Variants in GNA13 observed in about 807,000 individuals in gnomAD.
GNA13 encodes G protein subunit alpha 13, also known as guanine nucleotide-binding protein subunit alpha-13.
In GNA13, 4 loss-of-function variants were observed where a neutral mutation model predicts 33.5. That is an observed-to-expected ratio of 0.12 (90% confidence interval 0.06 to 0.27). The LOEUF (loss-of-function observed/expected upper bound fraction) is 0.27, where lower values mean the gene tolerates loss of function less well. Among genes scored for constraint, GNA13 ranks in the 10% least tolerant of loss-of-function variants. GNA13 has a pLI of 1.00. For synonymous variants in GNA13, 176 were observed against 183.8 expected (o/e 0.96, Z 0.34); for missense variants, 319 against 487.2 (o/e 0.65, Z 3.25).
Position 65,031,931 on chromosome 17 carries a change from T to A in GNA13, c.511-13628A>T, listed in dbSNP as rs964507457. ...GAGAGAGAGAGAGAGAGTGTGTGTG[T>A]GTGTGTGTGTGTGTGTGTGTGTGTG... On this transcript the variant is annotated intron_variant, in intron 2 of 3. Coordinates refer to ENST00000439174, the MANE Select transcript of GNA13 (RefSeq NM_006572.6). Among the ~76,000 whole-genome samples, 1,323 of 136,294 alleles carry A rather than the reference T, an allele frequency of 9.7e-3. 7 individuals carry two copies. Among genetic ancestry groups the A allele is most frequent in the Admixed American group, 0.021 (297 of 14,346 alleles). 89.4% of individuals were successfully genotyped at this position (136,294 alleles called of 152,430 possible).
chr17:65,013,489 T>C lies in GNA13; in HGVS notation c.*768A>G, dbSNP rs1906262027. ...GCCAGAATGTTTCACATATGGTACA[T>C]TAAACTACATGATAATTAAATATGA... is the stretch of plus-strand genomic sequence containing the variant. On this transcript the variant is annotated 3_prime_UTR_variant, in exon 4 of 4. Coordinates refer to ENST00000439174, the MANE Select transcript of GNA13 (RefSeq NM_006572.6). 4.7e-6 allele frequency: 1 copy of C among 212,292 alleles called. No homozygotes were observed. Among genetic ancestry groups the C allele is most frequent in the South Asian group, 1.9e-4 (1 of 5,346 alleles). 13.2% of individuals were successfully genotyped at this position (212,292 alleles called of 1,614,324 possible). A position where few individuals can be genotyped will look rare whatever the true frequency, so the allele number is the denominator to read the frequency against.
rs959945243 is a variant in GNA13, at chr17:65,013,856, A to G, written c.*401T>C. On this transcript the variant is annotated 3_prime_UTR_variant, in exon 4 of 4. Transcript: ENST00000439174. ...CTGCTATATGTAAGGCGGACAGAAG[A>G]TATCTTGTTTTGGAACTGAATATTC... 1.3e-4 allele frequency: 31 copies of G among 235,776 alleles called. No individual in the cohort carries two copies. The highest frequency in any genetic ancestry group is 2.5e-4 in the East Asian group (4 of 15,888). 14.6% of individuals were successfully genotyped at this position (235,776 alleles called of 1,614,324 possible).
chr17:65,016,447 C>T (rs1321286567), intron 3 of GNA13, among the ~76,000 whole-genome samples: 2 of 152,114 alleles, frequency 1.3e-5, no homozygotes, highest in African/African-American at 2.4e-5. Flanking sequence ...CTGCAACCTG[C>T]GCCTCCCAGG....
intron 2 of GNA13, among the ~76,000 whole-genome samples, chr17:65,050,996 T>C (rs1042204838): frequency 6.6e-6 from 1 of 152,164 alleles, no homozygotes; most frequent in African/African-American, 2.4e-5. Flanking sequence ...CACAAAGATA[T>C]ACTTAGGGAT....
At chr17:65,020,161 G>T (rs773587194) in intron 2 of GNA13, among the ~76,000 whole-genome samples, 1 of 152,196 alleles carries the variant, frequency 6.6e-6, no homozygotes, top group Non-Finnish European at 1.5e-5. Flanking sequence ...GTGTCTGGCA[G>T]ATAAAATATG....
chr17:65,033,440 T>C (rs995973139), intron 2 of GNA13, among the ~76,000 whole-genome samples: 5 of 151,942 alleles, frequency 3.3e-5, no homozygotes, highest in Admixed American at 6.6e-5. Context: ...TGAGCTATGA[T>C]TGCACCACTG....
chr17:65,051,863 T>C (rs1222255531), intron 2 of GNA13: 1 of 152,154 alleles, frequency 6.6e-6, no homozygotes, highest in Non-Finnish European at 1.5e-5. Flanking sequence ...ATAAACACAT[T>C]ACTTGAAAAG....
intron 2 of GNA13, among the ~76,000 whole-genome samples, chr17:65,038,061 G>C (rs1312431721): frequency 1.3e-5 from 2 of 152,094 alleles, no homozygotes; most frequent in Admixed American, 1.3e-4. Flanking sequence ...TTCCAACAGG[G>C]TTATGCCTCA....
chr17:65,042,357 C>CAA (rs369887415), intron 2 of GNA13, among the ~76,000 whole-genome samples: 33 of 62,268 alleles, frequency 5.3e-4, no homozygotes, highest in Non-Finnish European at 9.1e-4. Context: ...AACTCCGTCT[C>CAA]AAAAAAAAAA....
At chr17:65,043,825 T>G (rs1331959693) in intron 2 of GNA13, among the ~76,000 whole-genome samples, 10 of 152,216 alleles carry the variant, frequency 6.6e-5, no homozygotes, top group South Asian at 6.2e-4. Context: ...CCGCATGGAT[T>G]TAAAAATCCT....
In GNA13 at chr17:65,010,362, T is replaced by G. The variant is rs1205025346; in HGVS notation, c.*3895A>C. Among the ~76,000 whole-genome samples, 1 of 152,046 alleles carries G rather than the reference T, an allele frequency of 6.6e-6. No homozygotes were observed. Among genetic ancestry groups the G allele is most frequent in the Non-Finnish European group, 1.5e-5 (1 of 68,006 alleles). On this transcript the variant is annotated 3_prime_UTR_variant, in exon 4 of 4. Coordinates refer to ENST00000439174, the MANE Select transcript of GNA13 (RefSeq NM_006572.6). The stretch of plus-strand genomic sequence containing the variant: ...ACTTCAAGATCTAGTATACATTTAT[T>G]AATAAGCCCTAACCTCGTACCATAA...
intron 2 of GNA13, among the ~76,000 whole-genome samples, chr17:65,039,350 T>G (rs1232288321): frequency 6.6e-6 from 1 of 152,138 alleles, no homozygotes; most frequent in African/African-American, 2.4e-5. Context: ...CTCACTCCCC[T>G]CTAACTTCCA....
chr17:65,043,007 C>A (rs1275237346), intron 2 of GNA13, among the ~76,000 whole-genome samples: 1 of 152,098 alleles, frequency 6.6e-6, no homozygotes, highest in East Asian at 1.9e-4. Flanking sequence ...TACTGTGGGG[C>A]TTTACATGGG....
intron 2 of GNA13, among the ~76,000 whole-genome samples, chr17:65,031,886 G>A (rs376575064): frequency 0.02 from 2,533 of 127,906 alleles, 67 homozygotes; most frequent in African/African-American, 0.072. Context: ...GAGAGAGAGA[G>A]AGAGAGAGAA....
intron 2 of GNA13, among the ~76,000 whole-genome samples, chr17:65,031,316 C>G (rs1906998915): frequency 6.6e-6 from 1 of 152,258 alleles, no homozygotes; most frequent in Admixed American, 6.5e-5. Context: ...CTGTATAGGG[C>G]AGCTCCCTTA....
intron 1 of GNA13, among the ~76,000 whole-genome samples, chr17:65,053,961 T>A (rs1156312284): frequency 6.6e-6 from 1 of 152,150 alleles, no homozygotes; most frequent in Non-Finnish European, 1.5e-5. Flanking sequence ...GCACAATTCC[T>A]CTCTCTGAAG....
chr17:65,036,810 A>G (rs1057362405), intron 2 of GNA13, among the ~76,000 whole-genome samples: 1 of 152,220 alleles, frequency 6.6e-6, no homozygotes, highest in Admixed American at 6.5e-5. Context: ...CCAGAACTCG[A>G]CTACATGCTC....
intron 2 of GNA13, among the ~76,000 whole-genome samples, chr17:65,023,705 T>A (rs930962725): frequency 6.6e-6 from 1 of 152,212 alleles, no homozygotes; most frequent in Admixed American, 6.5e-5. Flanking sequence ...GAGACTTCCA[T>A]TCCCATACAA....
chr17:65,031,896 A>C (rs11079548), intron 2 of GNA13, among the ~76,000 whole-genome samples: 5 of 71,410 alleles, frequency 7.0e-5, no homozygotes, highest in South Asian at 7.4e-4. Flanking sequence ...GAGAGAGAGA[A>C]AGAGAGAGAG....
Sources: allele counts gnomAD v4.1 joint callset (sites outside exome capture counted in the v4.1 genomes callset), GRCh38; gene constraint gnomAD v4.1.1; transcripts MANE v1.5; gene names NCBI Gene and HGNC (gene_info 2026-07-23, HGNC 2026-07-21).